PHGDH: variants seen among roughly 807,000 people sequenced by gnomAD.
PHGDH encodes the protein phosphoglycerate dehydrogenase, also known as D-3-phosphoglycerate dehydrogenase.
PHGDH carries 50 observed loss-of-function variants against 52.6 expected under a neutral mutation model. The ratio of observed to expected loss-of-function variants is 0.95; its 90% CI spans 0.76 to 1.20. The LOEUF is 1.20. Ranked by LOEUF, PHGDH falls within the 50% of genes most tolerant of loss-of-function variation. The pLI is 0.00. For missense variants in PHGDH, 630 were observed against 684.6 expected, an observed-to-expected ratio of 0.92 and a Z score of 0.89; for synonymous variants, 271 against 280.5, an observed-to-expected ratio of 0.97 and a Z score of 0.34.
chr1:119,729,041 T>C (rs1017388288), intron 5 of PHGDH, among the ~76,000 whole-genome samples: 4 of 152,186 alleles, frequency 2.6e-5, no homozygotes, highest in East Asian at 1.9e-4. Flanking sequence ...GAGCATCCCA[T>C]TGTACACATT....
At chr1:119,725,317 A>T (rs759847236) in intron 3 of PHGDH, among the ~76,000 whole-genome samples, 2 of 152,020 alleles carry the variant, frequency 1.3e-5, no homozygotes, top group Non-Finnish European at 2.9e-5. Context: ...AGGGTTAGGG[A>T]TTTCTTGTGT....
intron 5 of PHGDH, among the ~76,000 whole-genome samples, chr1:119,727,866 G>A (rs1651516399): frequency 6.6e-6 from 1 of 152,052 alleles, no homozygotes; most frequent in African/African-American, 2.4e-5. Context: ...AACGAATGAG[G>A]CAGTGTTGAT....
In PHGDH at chr1:119,723,397, CAG is replaced by C; in HGVS notation, c.313_314del (p.Ser105CysfsTer70). ...VMNTPNGNSL[S>X]AAELTCGMIM... ...TTAGCACCCCCAATGGGAACAGCCT[CAG>C]TGCCGCAGAACTCACTTGTGGAATG... On this transcript the variant is annotated frameshift_variant, in exon 3 of 12. Coordinates refer to ENST00000641023, the MANE Select transcript of PHGDH (RefSeq NM_006623.4). LOFTEE classifies it high-confidence loss of function. The C allele has an allele frequency of 6.2e-7, 1 of 1,613,886 alleles. No homozygotes were observed. Among genetic ancestry groups the C allele is most frequent in the Non-Finnish European group, 8.5e-7 (1 of 1,179,822 alleles).
intron 5 of PHGDH, chr1:119,727,541 G>A (rs1024968760): frequency 3.3e-5 from 8 of 243,144 alleles, no homozygotes; most frequent in African/African-American, 1.6e-4. Flanking sequence ...TAAGAGTGAG[G>A]CAGTGTTGGC....
intron 3 of PHGDH, chr1:119,724,859 G>T (rs1651333875): frequency 2.2e-6 from 1 of 456,504 alleles, no homozygotes; most frequent in African/African-American, 2.0e-5. Context: ...TGCTCACCAT[G>T]ACCTCACTCA....
intron 2 of PHGDH, among the ~76,000 whole-genome samples, chr1:119,722,301 C>T (rs947153423): frequency 6.6e-6 from 1 of 152,172 alleles, no homozygotes; most frequent in African/African-American, 2.4e-5. Flanking sequence ...TATACAGGAT[C>T]TCTTGACTTT....
intron 5 of PHGDH, among the ~76,000 whole-genome samples, chr1:119,733,090 G>C (rs1458174473): frequency 6.6e-6 from 1 of 152,190 alleles, no homozygotes; most frequent in African/African-American, 2.4e-5. Flanking sequence ...ACAGCCGAGG[G>C]GAGCAGCAGT....
intron 1 of PHGDH, among the ~76,000 whole-genome samples, chr1:119,716,437 A>G (rs1356448505): frequency 1.3e-5 from 2 of 152,274 alleles, no homozygotes; most frequent in East Asian, 3.9e-4. Flanking sequence ...GAATGGGTGG[A>G]CTTTGGGGAG....
intron 7 of PHGDH, 139 bp downstream of exon 7, chr1:119,735,582 G>T: frequency 3.1e-6 from 3 of 960,082 alleles, no homozygotes; most frequent in Non-Finnish European, 4.8e-6. Flanking sequence ...AGAAAACTGT[G>T]TTGCCAAAAA....
At chr1:119,729,033 G>A (rs1651575201) in intron 5 of PHGDH, among the ~76,000 whole-genome samples, 1 of 152,156 alleles carries the variant, frequency 6.6e-6, no homozygotes, top group Non-Finnish European at 1.5e-5. Flanking sequence ...AGCCTGGTGA[G>A]CATCCCATTG....
chr1:119,743,117 C>G (rs1396813697), intron 11 of PHGDH, 73 bp downstream of exon 11: 3 of 941,594 alleles, frequency 3.2e-6, no homozygotes, highest in Non-Finnish European at 5.3e-6. Flanking sequence ...TTGAACTCTA[C>G]CCACCTTCCT....
chr1:119,740,577 C>CTA, intron 9 of PHGDH, 59 bp downstream of exon 9: 1 of 1,413,056 alleles, frequency 7.1e-7, no homozygotes, highest in Non-Finnish European at 9.8e-7. Flanking sequence ...GTGGGATCTG[C>CTA]CCTGCTGGGT....
chr1:119,732,108 A>G (rs587697080), intron 5 of PHGDH, among the ~76,000 whole-genome samples: 1 of 152,352 alleles, frequency 6.6e-6, no homozygotes, highest in South Asian at 2.1e-4. Context: ...CTAAAAATTC[A>G]GCTGTGGGGC....
At chr1:119,720,043 C>T (rs1651081777) in intron 1 of PHGDH, 1 of 152,220 alleles carries the variant, frequency 6.6e-6, no homozygotes, top group Admixed American at 6.5e-5. Flanking sequence ...ATACTTGCTG[C>T]TTTCTTACCG....
intron 1 of PHGDH, chr1:119,719,655 C>T (rs1028669600): frequency 8.5e-5 from 13 of 152,248 alleles, no homozygotes; most frequent in African/African-American, 3.1e-4. Flanking sequence ...AGCATCATTC[C>T]TCTTCTCTTC....
chr1:119,716,130 T>C (rs1418566328), intron 1 of PHGDH, among the ~76,000 whole-genome samples: 2 of 152,068 alleles, frequency 1.3e-5, no homozygotes, highest in Admixed American at 1.3e-4. Flanking sequence ...GAGTGGGTAG[T>C]TGAGGTTGTA....
intron 5 of PHGDH, among the ~76,000 whole-genome samples, chr1:119,731,925 C>T (rs1287270154): frequency 1.3e-5 from 2 of 152,192 alleles, no homozygotes; most frequent in Non-Finnish European, 2.9e-5. Flanking sequence ...TCAAGAGCCT[C>T]GGGTTCTGGC....
At chr1:119,715,286 A>G (rs1030387518) in intron 1 of PHGDH, among the ~76,000 whole-genome samples, 1 of 152,236 alleles carries the variant, frequency 6.6e-6, no homozygotes, top group Non-Finnish European at 1.5e-5. Flanking sequence ...ATGGTATTTA[A>G]TTTACTGAAG....
chr1:119,722,870 C>T (rs1171893071), intron 2 of PHGDH, among the ~76,000 whole-genome samples: 1 of 147,788 alleles, frequency 6.8e-6, no homozygotes, highest in Non-Finnish European at 1.5e-5. Context: ...CAGTACACTC[C>T]AGCCTGGGTG....
Sources: gnomAD v4.1 joint callset for allele counts (sites outside exome capture counted in the v4.1 genomes callset) on GRCh38, gnomAD v4.1.1 for gene constraint, MANE v1.5 for transcripts, NCBI Gene and HGNC (gene_info 2026-07-23, HGNC 2026-07-21) for gene names.